The following WDR7 variants were observed in gnomAD, a reference collection of about 807,000 sequenced individuals.
WDR7 encodes the protein WD repeat-containing protein 7.
Under a neutral mutation model 169.4 loss-of-function variants are expected in WDR7, and 46 were observed. The ratio of observed to expected loss-of-function variants is 0.27; its 90% confidence interval spans 0.21 to 0.35. The LOEUF (loss-of-function observed/expected upper bound fraction) is 0.35, where lower values mean the gene tolerates loss of function less well. WDR7 is among the 10% of genes least tolerant of loss of function. WDR7 has a pLI of 1.00. For synonymous variants in WDR7, 612 were observed against 666.8 expected (o/e 0.92, Z 1.27); for missense variants, 1,534 against 1,859.3 (o/e 0.83, Z 3.22).
intron 20 of WDR7, among the ~76,000 whole-genome samples, chr18:56,863,988 G>T (rs1053004629): frequency 2.0e-5 from 3 of 151,648 alleles, no homozygotes; most frequent in Admixed American, 6.6e-5. Context: ...TTTATATAAT[G>T]TTATCTTCTT....
At chr18:56,651,622 T>A (rs1247263319) in intron 1 of WDR7, 46 bp downstream of exon 1, 1 of 152,452 alleles carries the variant, frequency 6.6e-6, no homozygotes, top group East Asian at 1.9e-4. Flanking sequence ...CAGGGCGGGA[T>A]GTTCCTGCAC....
chr18:56,745,149 A>G (rs956780847), intron 14 of WDR7, among the ~76,000 whole-genome samples: 4 of 152,204 alleles, frequency 2.6e-5, no homozygotes, highest in Non-Finnish European at 5.9e-5. Context: ...TTGGAAAATT[A>G]TAGTTTAAAA....
intron 20 of WDR7, among the ~76,000 whole-genome samples, chr18:56,864,849 A>G (rs1199997725): frequency 1.3e-5 from 2 of 152,026 alleles, no homozygotes; most frequent in East Asian, 3.9e-4. Flanking sequence ...ACTTAATTTC[A>G]TTTGACATAT....
At position 56,976,557 on chromosome 18, in the gene WDR7, C is replaced by T. The variant is rs189582097; in HGVS notation, c.4164+14028C>T. ...CAACTCAGTGGTGTTCTCAGAAACC[C>T]GAGTCTATCAGGAGACTCTGTTTTG... On this transcript the variant is annotated intron_variant, in intron 26 of 27. Coordinates refer to ENST00000254442, the MANE Select transcript of WDR7 (RefSeq NM_015285.3). Among the ~76,000 whole-genome samples, 67 of 152,260 alleles carry T rather than the reference C, an allele frequency of 4.4e-4. No individual in the cohort carries two copies. The East Asian group carries it at 7.1e-3, about 16-fold the overall frequency.
At chr18:56,928,876 T>G (rs2046842601) in intron 22 of WDR7, among the ~76,000 whole-genome samples, 1 of 152,222 alleles carries the variant, frequency 6.6e-6, no homozygotes, top group African/African-American at 2.4e-5. Flanking sequence ...AAGCCAGAGC[T>G]CCTAATACTG....
intron 21 of WDR7, 121 bp from the exon 22 acceptor site, chr18:56,923,801 G>C (rs1299397746): frequency 3.1e-6 from 3 of 962,372 alleles, no homozygotes; most frequent in Non-Finnish European, 4.4e-6. Context: ...TAGTCTTGAG[G>C]TTCAATACCT....
At chr18:56,709,142 G>A (rs2026028378) in intron 12 of WDR7, among the ~76,000 whole-genome samples, 2 of 152,130 alleles carry the variant, frequency 1.3e-5, no homozygotes, top group Non-Finnish European at 2.9e-5. Flanking sequence ...TGGCCATTGA[G>A]GAGTTGTATT....
chr18:57,000,213 T>C (rs984732231), intron 26 of WDR7, among the ~76,000 whole-genome samples: 2 of 152,214 alleles, frequency 1.3e-5, no homozygotes, highest in African/African-American at 4.8e-5. Context: ...AGTATTTGTA[T>C]TTAATTAACT....
intron 26 of WDR7, among the ~76,000 whole-genome samples, chr18:56,974,454 C>T (rs9966650): frequency 0.044 from 6,468 of 148,272 alleles, 439 homozygotes; most frequent in African/African-American, 0.15. Flanking sequence ...TAGTGCACTA[C>T]AGCCCTGAAC....
At chr18:56,815,043 G>A (rs1456577688) in intron 19 of WDR7, among the ~76,000 whole-genome samples, 1 of 152,114 alleles carries the variant, frequency 6.6e-6, no homozygotes, top group African/African-American at 2.4e-5. Flanking sequence ...GGTGCCTTTG[G>A]TTAACCGGAG....
chr18:57,025,150 G>A (rs1167276469), intron 27 of WDR7, among the ~76,000 whole-genome samples: 1 of 152,106 alleles, frequency 6.6e-6, no homozygotes, highest in African/African-American at 2.4e-5. Flanking sequence ...TAAAAATAAG[G>A]AAGTGTCTGA....
rs775990478 is a variant in WDR7 at position 56,756,576 on chromosome 18, A to G, written c.1990-7A>G. 2.0e-5 allele frequency: 31 copies of G among 1,558,462 alleles called. No individual in the cohort carries two copies. The highest frequency in any genetic ancestry group is 2.6e-5 in the Non-Finnish European group (30 of 1,156,260). On this transcript the variant is annotated splice_region_variant and splice_polypyrimidine_tract_variant and intron_variant, in intron 14 of 27. Coordinates refer to ENST00000254442, the MANE Select transcript of WDR7 (RefSeq NM_015285.3). ...TTATAACTATCTTTTAAAAATATTTATTACAGGGAAATTTACCTAAATATT... is the reference window on the plus strand; with the variant it reads ...TTATAACTATCTTTTAAAAATATTTGTTACAGGGAAATTTACCTAAATATT...
intron 20 of WDR7, among the ~76,000 whole-genome samples, chr18:56,841,344 C>A (rs1480078156): frequency 6.6e-6 from 1 of 151,992 alleles, no homozygotes; most frequent in Non-Finnish European, 1.5e-5. Flanking sequence ...GAGTTTGAGA[C>A]CAGCCTGGCC....
chr18:56,780,282 C>T (rs764236690), intron 18 of WDR7, among the ~76,000 whole-genome samples: 1 of 151,998 alleles, frequency 6.6e-6, no homozygotes, highest in Non-Finnish European at 1.5e-5. Flanking sequence ...CTTATTATGG[C>T]ATTCGACCTG....
downstream of WDR7, chr18:57,032,806 TATATATATATATATATATATATATA>T (rs2048448871): frequency 2.8e-4 from 4 of 14,538 alleles, no homozygotes; most frequent in Admixed American, 1.2e-3. Flanking sequence ...TTATTTTATA[TATATATATATATATATATATATATA>T]TATATATATA....
intron 13 of WDR7, among the ~76,000 whole-genome samples, chr18:56,720,372 C>T (rs2026294302): frequency 6.6e-6 from 1 of 151,954 alleles, no homozygotes; most frequent in African/African-American, 2.4e-5. Flanking sequence ...TCACTTGAGA[C>T]CAGGAGGTCG....
intron 1 of WDR7, among the ~76,000 whole-genome samples, chr18:56,666,054 T>C (rs2025013805): frequency 6.6e-6 from 1 of 152,114 alleles, no homozygotes; most frequent in Non-Finnish European, 1.5e-5. Flanking sequence ...CCATCTCTCT[T>C]GGGCTGAGGC....
chr18:56,879,113 T>G (rs2046069228), intron 20 of WDR7, among the ~76,000 whole-genome samples: 1 of 152,200 alleles, frequency 6.6e-6, no homozygotes, highest in Non-Finnish European at 1.5e-5. Context: ...TGTGTACATG[T>G]GTGTCATTTC....
chr18:56,852,057 A>G (rs1457968630), intron 20 of WDR7, among the ~76,000 whole-genome samples: 1 of 152,020 alleles, frequency 6.6e-6, no homozygotes, highest in Non-Finnish European at 1.5e-5. Context: ...AGTTCTCCAA[A>G]CATGTCTTAG....
Sources: allele counts gnomAD v4.1 joint callset (sites outside exome capture counted in the v4.1 genomes callset), GRCh38; gene constraint gnomAD v4.1.1; transcripts MANE v1.5; gene names NCBI Gene and HGNC (gene_info 2026-07-23, HGNC 2026-07-21).